Variants in CTNNA3 observed in about 807,000 individuals in gnomAD.
CTNNA3 encodes catenin alpha-3.
Under a neutral mutation model 95.7 loss-of-function variants are expected in CTNNA3, and 76 were observed. The ratio of observed to expected loss-of-function variants is 0.79; its 90% confidence interval spans 0.66 to 0.96. CTNNA3 has a LOEUF of 0.96. CTNNA3 is among the 40% of genes least tolerant of loss of function. The pLI, the probability that CTNNA3 is intolerant of heterozygous loss-of-function variation, is 0.00. For missense variants in CTNNA3, 1,191 were observed against 1,089.8 expected, an observed-to-expected ratio of 1.09 and a Z score of -1.31; for synonymous variants, 431 against 374.4, an observed-to-expected ratio of 1.15 and a Z score of -1.74.
chr10:66,734,603 C>T (rs1329602895), intron 9 of CTNNA3, among the ~76,000 whole-genome samples: 1 of 152,106 alleles, frequency 6.6e-6, no homozygotes, highest in Non-Finnish European at 1.5e-5. Flanking sequence ...GTGGCTCACA[C>T]CTGTAATCCC....
intron 7 of CTNNA3, chr10:67,099,071 A>G (rs1339048563): frequency 6.6e-6 from 1 of 151,828 alleles, no homozygotes; most frequent in African/African-American, 2.4e-5. Context: ...CATCCTTAAT[A>G]TGTTCTAAAT....
intron 10 of CTNNA3, among the ~76,000 whole-genome samples, chr10:66,546,683 C>A (rs1842044714): frequency 6.6e-6 from 1 of 152,102 alleles, no homozygotes; most frequent in African/African-American, 2.4e-5. Context: ...ACCATCAGAT[C>A]TTGTGAAATC....
chr10:67,548,260 T>C (rs1840908646), intron 3 of CTNNA3, among the ~76,000 whole-genome samples: 2 of 152,190 alleles, frequency 1.3e-5, no homozygotes, highest in African/African-American at 4.8e-5. Flanking sequence ...GATTGGAAGC[T>C]TCCTGAGGCC....
intron 5 of CTNNA3, among the ~76,000 whole-genome samples, chr10:67,289,981 AC>A (rs1435810817): frequency 4.0e-5 from 6 of 151,746 alleles, no homozygotes; most frequent in East Asian, 1.9e-4. Context: ...AAAAAAAAAA[AC>A]ATTTGTAGAG....
intron 16 of CTNNA3, among the ~76,000 whole-genome samples, chr10:65,982,079 A>C (rs568859352): frequency 1.3e-5 from 2 of 151,410 alleles, no homozygotes; most frequent in African/African-American, 4.8e-5. Flanking sequence ...AATGGGAGAA[A>C]GATCATCACA....
chr10:66,053,441 G>A (rs1271686852), intron 15 of CTNNA3, among the ~76,000 whole-genome samples: 1 of 151,830 alleles, frequency 6.6e-6, no homozygotes, highest in Non-Finnish European at 1.5e-5. Context: ...ATGGGCATGC[G>A]ATGTGAAATA....
intron 9 of CTNNA3, among the ~76,000 whole-genome samples, chr10:66,710,176 A>G (rs1206678962): frequency 1.3e-5 from 2 of 152,146 alleles, no homozygotes; most frequent in Non-Finnish European, 2.9e-5. Flanking sequence ...AGTCACTGGC[A>G]AATCCAGTGT....
chr10:66,652,313 A>T (rs1156521251), intron 9 of CTNNA3, among the ~76,000 whole-genome samples: 1 of 152,108 alleles, frequency 6.6e-6, no homozygotes, highest in Non-Finnish European at 1.5e-5. Flanking sequence ...AGGAGGGGAC[A>T]TTACAACTGA....
intron 6 of CTNNA3, among the ~76,000 whole-genome samples, chr10:67,191,326 A>C (rs1302905301): frequency 1.3e-5 from 2 of 152,006 alleles, no homozygotes; most frequent in Non-Finnish European, 2.9e-5. Context: ...CTCTGTTTGC[A>C]GATTATATAA....
rs542406261 is a variant in CTNNA3, at chr10:67,371,424, C to A, written c.579+150418G>T. On this transcript the variant is annotated intron_variant, in intron 5 of 17. Transcript: ENST00000433211. ...GCCCCAGTGTGTGATGTTCCCCTTC[C>A]TGTGTCCATGTGTTCTCATTGTTCA... Among the ~76,000 whole-genome samples, 385 of 148,958 alleles carry A rather than the reference C, an allele frequency of 2.6e-3. 3 individuals carry two copies. The highest frequency in any genetic ancestry group is 9.2e-3 in the African/African-American group (370 of 40,334).
intron 7 of CTNNA3, among the ~76,000 whole-genome samples, chr10:67,052,924 T>C (rs1342831303): frequency 6.6e-6 from 1 of 152,198 alleles, no homozygotes; most frequent in Non-Finnish European, 1.5e-5. Context: ...TAGTACTCAT[T>C]TGGCTCACCT....
intron 12 of CTNNA3, among the ~76,000 whole-genome samples, chr10:66,366,310 T>G (rs537304217): frequency 6.6e-6 from 1 of 152,266 alleles, no homozygotes; most frequent in African/African-American, 2.4e-5. Flanking sequence ...AAATAAATCT[T>G]TAGTCACTAA....
intron 11 of CTNNA3, among the ~76,000 whole-genome samples, chr10:66,504,541 G>C (rs1489396568): frequency 1.3e-5 from 2 of 152,138 alleles, no homozygotes; most frequent in Non-Finnish European, 2.9e-5. Context: ...TGAAATCTTT[G>C]TTCTCTCACA....
chr10:66,478,639 A>G (rs1323691047), intron 11 of CTNNA3, among the ~76,000 whole-genome samples: 4 of 152,038 alleles, frequency 2.6e-5, no homozygotes, highest in African/African-American at 9.6e-5. Flanking sequence ...ATTAGTAATA[A>G]AGCTTAACGC....
intron 10 of CTNNA3, among the ~76,000 whole-genome samples, chr10:66,546,067 T>C (rs932401936): frequency 2.6e-5 from 4 of 151,866 alleles, no homozygotes; most frequent in African/African-American, 9.7e-5. Context: ...CTTATGGATG[T>C]ATTTTGATAA....
intron 7 of CTNNA3, among the ~76,000 whole-genome samples, chr10:67,178,826 T>A (rs1480988813): frequency 6.6e-6 from 1 of 152,122 alleles, no homozygotes; most frequent in Non-Finnish European, 1.5e-5. Context: ...TTATGACTGA[T>A]GAATTACCTT....
At chr10:67,499,205 C>T (rs779520228) in intron 5 of CTNNA3, among the ~76,000 whole-genome samples, 60 of 151,984 alleles carry the variant, frequency 3.9e-4, no homozygotes, top group Non-Finnish European at 1.3e-4. Context: ...TGGGTTTTGT[C>T]GTTGGTTCTG....
At chr10:66,306,972 A>G (rs1405586229) in intron 12 of CTNNA3, among the ~76,000 whole-genome samples, 1 of 152,188 alleles carries the variant, frequency 6.6e-6, no homozygotes, top group African/African-American at 2.4e-5. Flanking sequence ...ACTAACAACA[A>G]AAAAATTAGC....
intron 5 of CTNNA3, among the ~76,000 whole-genome samples, chr10:67,270,968 C>T (rs1183028492): frequency 2.6e-5 from 4 of 151,994 alleles, no homozygotes. Flanking sequence ...CTAAGCGTTC[C>T]TAAAACAATG....
Sources: gnomAD v4.1 joint callset for allele counts (sites outside exome capture counted in the v4.1 genomes callset) on GRCh38, gnomAD v4.1.1 for gene constraint, MANE v1.5 for transcripts, NCBI Gene and HGNC (gene_info 2026-07-23, HGNC 2026-07-21) for gene names.